Variants in ADGRG1 observed in about 807,000 individuals in gnomAD.
ADGRG1 encodes the protein adhesion G protein-coupled receptor G1, also known as 7-transmembrane protein with no EGF-like N-terminal domains-1.
Under a neutral mutation model 73.5 loss-of-function variants are expected in ADGRG1, and 53 were observed. That is an observed-to-expected ratio of 0.72 (90% confidence interval 0.58 to 0.91). The LOEUF is 0.91. Ranked by LOEUF, ADGRG1 falls within the 40% of genes least tolerant of loss-of-function variation. The pLI, the probability that ADGRG1 is intolerant of heterozygous loss-of-function variation, is 0.00. For missense variants in ADGRG1, 795 were observed against 871.8 expected, an observed-to-expected ratio of 0.91 and a Z score of 1.11; for synonymous variants, 394 against 374.4, an observed-to-expected ratio of 1.05 and a Z score of -0.60.
At chr16:57,646,825 T>C in intron 1 of ADGRG1, 1 of 820,844 alleles carries the variant, frequency 1.2e-6, no homozygotes, top group Non-Finnish European at 1.5e-6. Context: ...TTTGGTGTGA[T>C]AACGTGGATG....
intron 1 of ADGRG1, among the ~76,000 whole-genome samples, chr16:57,638,171 G>T (rs193188411): frequency 6.6e-6 from 1 of 152,348 alleles, no homozygotes; most frequent in Admixed American, 6.5e-5. Flanking sequence ...AGCATTGAAC[G>T]TGGGGGAGAG....
At chr16:57,660,039 T>C (rs930795918) in intron 11 of ADGRG1, among the ~76,000 whole-genome samples, 18 of 152,236 alleles carry the variant, frequency 1.2e-4, no homozygotes, top group African/African-American at 4.1e-4. Context: ...TCACTCGGGC[T>C]GGCAGTGGCC....
intron 1 of ADGRG1, chr16:57,643,990 AG>A: frequency 1.0e-6 from 1 of 985,052 alleles, no homozygotes; most frequent in Non-Finnish European, 1.2e-6. Context: ...GCTATTTCCA[AG>A]TAAGATTTAC....
At chr16:57,632,227 G>C (rs147020422) in intron 1 of ADGRG1, 1 of 985,306 alleles carries the variant, frequency 1.0e-6, no homozygotes, top group Admixed American at 6.1e-5. Flanking sequence ...GCACATGCTC[G>C]TGTCTTGAAC....
At chr16:57,631,493 G>A in intron 1 of ADGRG1, 1 of 985,580 alleles carries the variant, frequency 1.0e-6, no homozygotes, top group Non-Finnish European at 1.2e-6. Flanking sequence ...AGAGGGGAGT[G>A]TGACAACAGA....
intron 1 of ADGRG1, chr16:57,643,249 G>T (rs545621629): frequency 1.2e-4 from 19 of 152,442 alleles, no homozygotes; most frequent in Admixed American, 1.2e-3. Flanking sequence ...GGAGGTGGGA[G>T]CATCCAAGGC....
intron 1 of ADGRG1, 196 bp from the exon 2 acceptor site, chr16:57,650,057 C>T: frequency 1.2e-6 from 1 of 853,078 alleles, no homozygotes; most frequent in Non-Finnish European, 1.4e-6. Context: ...GGATTACAGA[C>T]ATAAGTCACC....
intron 1 of ADGRG1, chr16:57,633,498 C>G (rs2038540112): frequency 3.0e-6 from 3 of 985,296 alleles, no homozygotes; most frequent in Non-Finnish European, 3.6e-6. Context: ...TTTTCCATCC[C>G]TCAGCCAGGC....
rs571949713 is a variant in ADGRG1 at position 57,636,678 on chromosome 16, G to T, written c.-36+7876G>T. 1.6e-5 allele frequency: 16 copies of T among 985,202 alleles called. No homozygotes were observed. In the South Asian group the frequency reaches 7.0e-4, roughly 43 times the overall value. The allele number at this position is 985,202 out of a possible 1,614,324, so 61.0% of individuals were successfully genotyped here. A position where few individuals can be genotyped will look rare whatever the true frequency, so the allele number is the denominator to read the frequency against. ...GGCTCCTTTTGGGAAGAGGTGTGGA[G>T]CCTGCCTGCCCTGGGTTAGAGTCCC... is the stretch of plus-strand genomic sequence containing the variant. On this transcript the variant is annotated intron_variant, in intron 1 of 13. Transcript: ENST00000562631.
intron 10 of ADGRG1, 39 bp downstream of exon 10, chr16:57,657,530 C>G: frequency 1.4e-6 from 2 of 1,416,578 alleles, no homozygotes; most frequent in Non-Finnish European, 2.0e-6. Context: ...AGGGGACCCT[C>G]CATTGCACAC....
chr16:57,639,880 G>A lies in ADGRG1; in HGVS notation c.-35-10373G>A, dbSNP rs564020001. On this transcript the variant is annotated intron_variant, in intron 1 of 13. Coordinates refer to ENST00000562631, the MANE Select transcript of ADGRG1 (RefSeq NM_201525.4). ...GATGGTGTAGCCAGTGGGTGGGGGT[G>A]TGGTGGCACTAGGGACCCTGGGGGG... 18 of 975,456 alleles carry A rather than the reference G, an allele frequency of 1.8e-5. No individual in the cohort carries two copies. The South Asian group carries it at 4.7e-4, about 26-fold the overall frequency. The allele number at this position is 975,456 out of a possible 1,614,324, so 60.4% of individuals were successfully genotyped here.
intron 2 of ADGRG1, chr16:57,650,905 T>C (rs1306994586): frequency 1.0e-5 from 2 of 198,974 alleles, no homozygotes; most frequent in Non-Finnish European, 1.8e-5. Context: ...AGACGGGGTT[T>C]CACCGTTTTA....
intron 1 of ADGRG1, chr16:57,644,089 C>G: frequency 2.0e-6 from 2 of 985,150 alleles, no homozygotes; most frequent in East Asian, 2.3e-4. Context: ...TGCAAGAGCC[C>G]TGCTCTTTGC....
At chr16:57,644,180 C>T in intron 1 of ADGRG1, 1 of 985,304 alleles carries the variant, frequency 1.0e-6, no homozygotes, top group Non-Finnish European at 1.2e-6. Context: ...CTTGCTTTCT[C>T]CTCCTGGCCC....
intron 1 of ADGRG1, chr16:57,639,811 T>G: frequency 3.5e-6 from 3 of 863,390 alleles, no homozygotes; most frequent in Non-Finnish European, 4.2e-6. Context: ...TCCCTTCCCC[T>G]TTATCTTTTT....
intron 2 of ADGRG1, chr16:57,621,590 C>A (rs2034836828): frequency 6.6e-6 from 1 of 152,216 alleles, no homozygotes; most frequent in Non-Finnish European, 1.5e-5. Flanking sequence ...ATACACAGTC[C>A]TTTCGAGTTG....
upstream of ADGRG1, chr16:57,626,651 G>T (rs538673037): frequency 2.9e-5 from 29 of 985,288 alleles, no homozygotes; most frequent in Non-Finnish European, 3.1e-5. Flanking sequence ...TCAGCCATCT[G>T]CAGAGAGAGT....
At position 57,650,352 on chromosome 16, in the gene ADGRG1, G is replaced by T; in HGVS notation, c.64+1G>T. The T allele has an allele frequency of 1.2e-6, 2 of 1,611,628 alleles. No individual in the cohort carries two copies. Among genetic ancestry groups the T allele is most frequent in the Non-Finnish European group, 1.7e-6 (2 of 1,177,702 alleles). On this transcript the variant is annotated splice_donor_variant, in intron 2 of 13. Coordinates refer to ENST00000562631, the MANE Select transcript of ADGRG1 (RefSeq NM_201525.4). LOFTEE classifies it high-confidence loss of function. ...CTGAGTCTGCTCTTCCTGGTCCAAG[G>T]CAGGTCTTCCCAGGGGTGCCCTGGG...
At position 57,664,231 on chromosome 16, in the gene ADGRG1, T is replaced by TC. The variant is rs2047898606; in HGVS notation, c.*651dup. 1 of 153,148 alleles carries TC rather than the reference T, an allele frequency of 6.5e-6. No homozygotes were observed. Among genetic ancestry groups the TC allele is most frequent in the South Asian group, 2.0e-4 (1 of 4,898 alleles). 9.5% of individuals were successfully genotyped at this position (153,148 alleles called of 1,614,324 possible). The stretch of plus-strand genomic sequence containing the variant: ...GGGGTTCTCCTCCTCTCCCAGGGCC[T>TC]CCTTGCTCCTTCGTTCACAGCTGGG... On this transcript the variant is annotated 3_prime_UTR_variant, in exon 14 of 14. Transcript: ENST00000562631.
Sources: allele counts gnomAD v4.1 joint callset (sites outside exome capture counted in the v4.1 genomes callset), GRCh38; gene constraint gnomAD v4.1.1; transcripts MANE v1.5; gene names NCBI Gene and HGNC (gene_info 2026-07-23, HGNC 2026-07-21).